Variants in PRKCA observed in about 807,000 individuals in gnomAD.
PRKCA encodes protein kinase C alpha.
Under a neutral mutation model 87.0 loss-of-function variants are expected in PRKCA, and 27 were observed. That is an observed-to-expected ratio of 0.31 (90% CI 0.23 to 0.43). The LOEUF is 0.43. Ranked by LOEUF, PRKCA falls within the 20% of genes least tolerant of loss-of-function variation. The pLI is 1.00. For missense variants in PRKCA, 518 were observed against 852.3 expected (o/e 0.61, Z 4.88); for synonymous variants, 329 against 311.1 (o/e 1.06, Z -0.61).
chr17:66,669,438 C>T (rs1458275363), intron 5 of PRKCA, among the ~76,000 whole-genome samples: 1 of 151,814 alleles, frequency 6.6e-6, no homozygotes, highest in Non-Finnish European at 1.5e-5. Flanking sequence ...AAATGGAAGA[C>T]TGGGAACAGG....
At chr17:66,741,267 T>C (rs562076649) in intron 11 of PRKCA, among the ~76,000 whole-genome samples, 1 of 152,378 alleles carries the variant, frequency 6.6e-6, no homozygotes, top group Admixed American at 6.5e-5. Context: ...AGTAATTGTA[T>C]TGTATTTTCA....
chr17:66,585,635 C>A (rs11079661), intron 3 of PRKCA, among the ~76,000 whole-genome samples: 1 of 152,104 alleles, frequency 6.6e-6, no homozygotes, highest in East Asian at 1.9e-4. Context: ...CACCCAAGGA[C>A]GCACTTCCCC....
chr17:66,699,818 T>A (rs1175076758), intron 8 of PRKCA, among the ~76,000 whole-genome samples: 1 of 152,322 alleles, frequency 6.6e-6, no homozygotes, highest in Non-Finnish European at 1.5e-5. Context: ...TCAACTGAAT[T>A]CCTAGCCTCA....
rs78106378 is a variant in PRKCA, at chr17:66,633,309, T to TA, written c.289-8036dup. ...TAGGTCTTTTTTTATATCATAGGGT[T>TA]AAAAAAAAAACTGCTTCCTACTTCC... On this transcript the variant is annotated intron_variant, in intron 3 of 16. Coordinates refer to ENST00000413366, the MANE Select transcript of PRKCA (RefSeq NM_002737.3). Among the ~76,000 whole-genome samples the TA allele has an allele frequency of 3.5e-4, 52 of 149,324 alleles. 1 individual carries two copies. Among genetic ancestry groups the TA allele is most frequent in the East Asian group, 1.2e-3 (6 of 5,138 alleles).
At chr17:66,789,348 C>G (rs1049857055) in intron 16 of PRKCA, among the ~76,000 whole-genome samples, 1 of 152,222 alleles carries the variant, frequency 6.6e-6, no homozygotes, top group African/African-American at 2.4e-5. Context: ...AGGACTCAGG[C>G]TTCGTGTCTG....
intron 2 of PRKCA, among the ~76,000 whole-genome samples, chr17:66,389,439 A>T (rs1380290029): frequency 6.6e-6 from 1 of 152,228 alleles, no homozygotes; most frequent in Non-Finnish European, 1.5e-5. Flanking sequence ...GCTCTGCCTC[A>T]GTAGCCTCCC....
intron 3 of PRKCA, among the ~76,000 whole-genome samples, chr17:66,543,367 A>G (rs558919723): frequency 6.6e-5 from 10 of 152,296 alleles, no homozygotes; most frequent in South Asian, 4.1e-4. Flanking sequence ...TTTATTATTT[A>G]TATAATGAGA....
At chr17:66,764,149 C>T (rs980073622) in intron 13 of PRKCA, among the ~76,000 whole-genome samples, 1 of 152,182 alleles carries the variant, frequency 6.6e-6, no homozygotes, top group African/African-American at 2.4e-5. Context: ...ATTTCCTCAC[C>T]TTTGCAATGG....
At chr17:66,542,164 T>G (rs370733781) in intron 3 of PRKCA, among the ~76,000 whole-genome samples, 14 of 152,328 alleles carry the variant, frequency 9.2e-5, no homozygotes, top group African/African-American at 3.4e-4. Context: ...CCCTTAACTT[T>G]AAAATTATTA....
At chr17:66,764,215 C>CTT (rs1974748838) in intron 13 of PRKCA, among the ~76,000 whole-genome samples, 1 of 152,206 alleles carries the variant, frequency 6.6e-6, no homozygotes, top group African/African-American at 2.4e-5. Flanking sequence ...TCGGCACATG[C>CTT]CTACTGTGGT....
At chr17:66,487,049 ATCTTT>A (rs1328406095) in intron 2 of PRKCA, among the ~76,000 whole-genome samples, 2 of 152,182 alleles carry the variant, frequency 1.3e-5, no homozygotes, top group Admixed American at 6.5e-5. Context: ...AACATTACAG[ATCTTT>A]TCTTCTAGCT....
At chr17:66,494,129 C>A (rs892449467) in intron 2 of PRKCA, among the ~76,000 whole-genome samples, 1 of 152,174 alleles carries the variant, frequency 6.6e-6, no homozygotes, top group East Asian at 1.9e-4. Context: ...CTTCCACCTA[C>A]GGAAATGACT....
chr17:66,534,524 G>T (rs1302515212), intron 3 of PRKCA, among the ~76,000 whole-genome samples: 1 of 151,906 alleles, frequency 6.6e-6, no homozygotes, highest in Non-Finnish European at 1.5e-5. Context: ...AAAATTAGCC[G>T]GGCGTGGTGG....
intron 3 of PRKCA, among the ~76,000 whole-genome samples, chr17:66,521,314 T>C (rs1240552206): frequency 2.6e-5 from 4 of 152,192 alleles, no homozygotes; most frequent in African/African-American, 9.7e-5. Context: ...CGATCTATAG[T>C]GTAAAGTATA....
At chr17:66,429,302 G>A (rs1054001238) in intron 2 of PRKCA, among the ~76,000 whole-genome samples, 1 of 152,196 alleles carries the variant, frequency 6.6e-6, no homozygotes, top group Non-Finnish European at 1.5e-5. Context: ...TGACAACTTA[G>A]CTTTAATATC....
In PRKCA at chr17:66,805,156, T is replaced by G; in HGVS notation, c.*1119T>G. 1.0e-6 allele frequency: 1 copy of G among 978,632 alleles called. No individual in the cohort carries two copies. Among genetic ancestry groups the G allele is most frequent in the Non-Finnish European group, 1.2e-6 (1 of 823,672 alleles). The allele number at this position is 978,632 out of a possible 1,614,324, so 60.6% of individuals were successfully genotyped here. A position where few individuals can be genotyped will look rare whatever the true frequency, so the allele number is the denominator to read the frequency against. On this transcript the variant is annotated 3_prime_UTR_variant, in exon 17 of 17. Coordinates refer to ENST00000413366, the MANE Select transcript of PRKCA (RefSeq NM_002737.3). ...AAAAAGAATATGGTTTTGGTTCCCA[T>G]TTCTAGTTCACGTTGAATGACAGGC...
At chr17:66,549,661 A>G (rs1233679156) in intron 3 of PRKCA, among the ~76,000 whole-genome samples, 3 of 152,216 alleles carry the variant, frequency 2.0e-5, no homozygotes, top group African/African-American at 7.2e-5. Context: ...TTCTAACCCA[A>G]ATTATTTAAA....
chr17:66,533,756 T>A (rs1967655005), intron 3 of PRKCA, among the ~76,000 whole-genome samples: 1 of 152,164 alleles, frequency 6.6e-6, no homozygotes. Flanking sequence ...AAGGCTGTTG[T>A]TGACTCGGGG....
intron 2 of PRKCA, among the ~76,000 whole-genome samples, chr17:66,461,219 A>AG (rs1211493299): frequency 5.9e-5 from 9 of 151,754 alleles, no homozygotes; most frequent in African/African-American, 1.4e-4. Flanking sequence ...AAAAAAAAAA[A>AG]AAAAGAAAAG....
Sources: allele counts gnomAD v4.1 joint callset (sites outside exome capture counted in the v4.1 genomes callset), GRCh38; gene constraint gnomAD v4.1.1; transcripts MANE v1.5; gene names NCBI Gene and HGNC (gene_info 2026-07-23, HGNC 2026-07-21).